The following LHFPL3 variants were observed in gnomAD, a reference collection of about 807,000 sequenced individuals.
LHFPL3 encodes the protein LHFPL tetraspan subfamily member 3 protein.
A neutral mutation model predicts 19.3 loss-of-function variants in LHFPL3; 5 were observed. The ratio of observed to expected loss-of-function variants is 0.26; its 90% CI spans 0.14 to 0.54. The LOEUF is 0.54. Ranked by LOEUF, LHFPL3 falls within the 20% of genes least tolerant of loss-of-function variation. LHFPL3 has a pLI of 0.94. For missense variants in LHFPL3, 249 were observed against 307.4 expected (o/e 0.81, Z 1.42); for synonymous variants, 133 against 126.2 (o/e 1.05, Z -0.36).
At chr7:104,633,165 A>G (rs149653411) in intron 1 of LHFPL3, among the ~76,000 whole-genome samples, 12 of 152,268 alleles carry the variant, frequency 7.9e-5, no homozygotes, top group Non-Finnish European at 1.2e-4. Flanking sequence ...TAAGGCTTCT[A>G]TTTTCGTCAT....
chr7:104,385,486 G>A (rs1790921368), intron 1 of LHFPL3, among the ~76,000 whole-genome samples: 2 of 152,326 alleles, frequency 1.3e-5, no homozygotes, highest in South Asian at 4.1e-4. Context: ...CTGCAAAGCT[G>A]AAGGCTGGAT....
intron 1 of LHFPL3, among the ~76,000 whole-genome samples, chr7:104,379,306 G>A (rs1318051777): frequency 6.6e-6 from 1 of 152,158 alleles, no homozygotes; most frequent in East Asian, 1.9e-4. Flanking sequence ...GGAACAGTCT[G>A]CACTTCTTGG....
At chr7:104,845,732 A>G (rs1414229596) in intron 2 of LHFPL3, among the ~76,000 whole-genome samples, 2 of 152,246 alleles carry the variant, frequency 1.3e-5, no homozygotes, top group African/African-American at 4.8e-5. Context: ...TTGGATGATC[A>G]GCTTTTAGGA....
At chr7:104,596,382 C>T (rs1023485613) in intron 1 of LHFPL3, among the ~76,000 whole-genome samples, 28 of 152,180 alleles carry the variant, frequency 1.8e-4, no homozygotes, top group African/African-American at 6.8e-4. Flanking sequence ...TTAGAGGCAG[C>T]AATATCTTCT....
At chr7:104,592,719 A>T (rs974994154) in intron 1 of LHFPL3, among the ~76,000 whole-genome samples, 18 of 152,170 alleles carry the variant, frequency 1.2e-4, no homozygotes, top group Admixed American at 3.3e-4. Context: ...CTACAGAGGC[A>T]GGCCGGCCTC....
intron 2 of LHFPL3, chr7:104,757,655 T>A (rs1001181018): frequency 1.3e-5 from 2 of 152,292 alleles, no homozygotes; most frequent in Non-Finnish European, 2.9e-5. Flanking sequence ...TAATGAGATA[T>A]CATCTCACAC....
rs573645639 is a variant in LHFPL3 at position 104,865,552 on chromosome 7, C to T, written c.683-40635C>T. On this transcript the variant is annotated intron_variant, in intron 2 of 2. Coordinates refer to ENST00000424859, the MANE Select transcript of LHFPL3 (RefSeq NM_199000.3). ...AAAGAATAAAAAGAAATGAACAAAG[C>T]CTCCAAGAAATATAGGACTGTGTGA... 2.6e-5 allele frequency among the ~76,000 whole-genome samples: 4 copies of T among 152,234 alleles called. No homozygotes were observed. In the East Asian group the frequency reaches 7.7e-4, roughly 29 times the overall value.
chr7:104,461,668 G>A (rs1030511547), intron 1 of LHFPL3, among the ~76,000 whole-genome samples: 1 of 151,974 alleles, frequency 6.6e-6, no homozygotes, highest in Non-Finnish European at 1.5e-5. Flanking sequence ...TGGGCTACTT[G>A]GGCCCTGGAG....
chr7:104,365,319 A>G (rs186314733), intron 1 of LHFPL3, among the ~76,000 whole-genome samples: 2 of 152,090 alleles, frequency 1.3e-5, no homozygotes. Context: ...AAAAAATAAA[A>G]AAATAAAAAA....
chr7:104,412,571 G>A lies in LHFPL3; in HGVS notation c.445+83347G>A, dbSNP rs191131425. Among the ~76,000 whole-genome samples the A allele has an allele frequency of 2.6e-3, 396 of 151,912 alleles. 11 individuals are homozygous for A. In the East Asian group the frequency reaches 0.044, roughly 17 times the overall value. On this transcript the variant is annotated intron_variant, in intron 1 of 2. Coordinates refer to ENST00000424859, the MANE Select transcript of LHFPL3 (RefSeq NM_199000.3). Reference sequence around the variant, plus strand: ...ATTTCAATGACACAGTAATTTCAGGGTGCAGGCACAGCAGGGAGTGGTCTC... The same window carrying A: ...ATTTCAATGACACAGTAATTTCAGGATGCAGGCACAGCAGGGAGTGGTCTC...
chr7:104,681,477 C>G (rs1432371812), intron 1 of LHFPL3, among the ~76,000 whole-genome samples: 2 of 152,002 alleles, frequency 1.3e-5, no homozygotes, highest in African/African-American at 2.4e-5. Flanking sequence ...ACAAAATTAG[C>G]CGGGTGTGGT....
At chr7:104,565,213 A>G (rs1335437208) in intron 1 of LHFPL3, among the ~76,000 whole-genome samples, 1 of 152,248 alleles carries the variant, frequency 6.6e-6, no homozygotes, top group African/African-American at 2.4e-5. Flanking sequence ...ACTGAAAAAT[A>G]TTAAGTCCTG....
At chr7:104,778,133 G>C (rs1239731667) in intron 2 of LHFPL3, among the ~76,000 whole-genome samples, 2 of 152,206 alleles carry the variant, frequency 1.3e-5, no homozygotes, top group Non-Finnish European at 2.9e-5. Flanking sequence ...TGACCAGGGA[G>C]ATCCTAAGTC....
At position 104,370,404 on chromosome 7, in the gene LHFPL3, A is replaced by G. The variant is rs556963552; in HGVS notation, c.445+41180A>G. 3.9e-5 allele frequency among the ~76,000 whole-genome samples: 6 copies of G among 152,194 alleles called. No individual in the cohort carries two copies. The East Asian group carries it at 1.2e-3, about 29-fold the overall frequency. The stretch of plus-strand genomic sequence containing the variant: ...AGTCTTCCAGGCTCCCTCTAGCACC[A>G]CCGCCCTCCCCTTTCCATACCACTG... On this transcript the variant is annotated intron_variant, in intron 1 of 2. Coordinates refer to ENST00000424859, the MANE Select transcript of LHFPL3 (RefSeq NM_199000.3).
chr7:104,705,940 T>C (rs1793184131), intron 1 of LHFPL3, among the ~76,000 whole-genome samples: 1 of 152,124 alleles, frequency 6.6e-6, no homozygotes, highest in Admixed American at 6.5e-5. Context: ...CAAGATATAT[T>C]GAGTCTTTAC....
At chr7:104,409,173 G>T (rs1791484746) in intron 1 of LHFPL3, among the ~76,000 whole-genome samples, 1 of 152,028 alleles carries the variant, frequency 6.6e-6, no homozygotes, top group Admixed American at 6.5e-5. Flanking sequence ...ACGGCGCCCG[G>T]CCTAGTGTTG....
At chr7:104,670,512 C>T (rs1255809258) in intron 1 of LHFPL3, among the ~76,000 whole-genome samples, 1 of 152,172 alleles carries the variant, frequency 6.6e-6, no homozygotes. Context: ...TACTCTTAAC[C>T]TCCCAAAAAG....
chr7:104,402,107 A>G (rs879488863), intron 1 of LHFPL3, among the ~76,000 whole-genome samples: 4 of 151,974 alleles, frequency 2.6e-5, no homozygotes, highest in African/African-American at 4.8e-5. Context: ...AAAAACAAAA[A>G]ACAACAAAAA....
intron 1 of LHFPL3, among the ~76,000 whole-genome samples, chr7:104,394,903 C>T (rs1791152143): frequency 6.6e-6 from 1 of 151,876 alleles, no homozygotes; most frequent in South Asian, 2.1e-4. Context: ...GTTTCACCAT[C>T]TTAGCGAGGC....
Sources: allele counts gnomAD v4.1 joint callset (sites outside exome capture counted in the v4.1 genomes callset), GRCh38; gene constraint gnomAD v4.1.1; transcripts MANE v1.5; gene names NCBI Gene and HGNC (gene_info 2026-07-23, HGNC 2026-07-21).